Variants in DHRSX observed in about 807,000 individuals in gnomAD.
DHRSX encodes polyprenol dehydrogenase.
DHRSX carries 31 observed loss-of-function variants against 34.0 expected under a neutral mutation model. That is an observed-to-expected ratio of 0.91 (90% confidence interval 0.69 to 1.23). The LOEUF is 1.23. DHRSX is among the 50% of genes most tolerant of loss of function. DHRSX has a pLI of 0.00. For synonymous variants in DHRSX, 201 were observed against 183.8 expected, an observed-to-expected ratio of 1.09 and a Z score of -0.76; for missense variants, 414 against 428.1, an observed-to-expected ratio of 0.97 and a Z score of 0.29.
chrX:2,393,229 C>G (rs190523824), intron 3 of DHRSX, among the ~76,000 whole-genome samples: 71 of 150,664 alleles, frequency 4.7e-4, no homozygotes, highest in Non-Finnish European at 7.5e-4. Context: ...AATATATGAA[C>G]CTAAAATATG....
intron 2 of DHRSX, among the ~76,000 whole-genome samples, chrX:2,413,944 T>C (rs1454317403): frequency 1.3e-5 from 2 of 151,596 alleles, no homozygotes; most frequent in Non-Finnish European, 2.9e-5. Flanking sequence ...AACAGGTATC[T>C]TTATGACCAA....
intron 4 of DHRSX, among the ~76,000 whole-genome samples, chrX:2,288,768 T>C (rs2041834432): frequency 6.6e-6 from 1 of 152,190 alleles, no homozygotes; most frequent in Non-Finnish European, 1.5e-5. Context: ...CATGAGATTT[T>C]CTACAGAAGA....
At chrX:2,290,476 A>G (rs1355957584) in intron 4 of DHRSX, among the ~76,000 whole-genome samples, 2 of 152,198 alleles carry the variant, frequency 1.3e-5, no homozygotes, top group Admixed American at 1.3e-4. Flanking sequence ...AGAATCTTTA[A>G]TGGTCTAGGT....
At chrX:2,388,902 G>C (rs1247512047) in intron 3 of DHRSX, among the ~76,000 whole-genome samples, 2 of 152,118 alleles carry the variant, frequency 1.3e-5, no homozygotes, top group Non-Finnish European at 2.9e-5. Flanking sequence ...GAAGAGATGA[G>C]GACACAGACA....
At chrX:2,308,642 T>A (rs1184665242) in intron 3 of DHRSX, among the ~76,000 whole-genome samples, 1 of 152,208 alleles carries the variant, frequency 6.6e-6, no homozygotes, top group African/African-American at 2.4e-5. Flanking sequence ...GAAGCTATAA[T>A]GTGCCATTTT....
intron 3 of DHRSX, among the ~76,000 whole-genome samples, chrX:2,363,536 A>G (rs12855923): frequency 9.3e-4 from 108 of 116,320 alleles, no homozygotes; most frequent in Middle Eastern, 6.2e-3. Flanking sequence ...CCGTTCTATG[A>G]TATCATGCCG....
At chrX:2,409,742 T>G (rs973825431) in intron 2 of DHRSX, among the ~76,000 whole-genome samples, 3 of 151,992 alleles carry the variant, frequency 2.0e-5, no homozygotes, top group African/African-American at 2.4e-5. Context: ...GTTTTGTTTT[T>G]TTTTTGAGAC....
chrX:2,459,550 GTATATA>G (rs57748851), intron 1 of DHRSX, among the ~76,000 whole-genome samples: 42,496 of 137,574 alleles, frequency 0.31, 6,812 homozygotes, highest in African/African-American at 0.41. Context: ...GTGTCTGTGT[GTATATA>G]TATATATATA....
chrX:2,313,125 C>T (rs2042184094), intron 3 of DHRSX, among the ~76,000 whole-genome samples: 1 of 151,334 alleles, frequency 6.6e-6, no homozygotes, highest in South Asian at 2.1e-4. Context: ...GCCTCAGCCT[C>T]CCAAGTAGCT....
chrX:2,378,932 A>G (rs1051628011), intron 3 of DHRSX, among the ~76,000 whole-genome samples: 2 of 152,136 alleles, frequency 1.3e-5, no homozygotes, highest in Non-Finnish European at 2.9e-5. Context: ...TCAACCTCCC[A>G]AAGTGTTAGG....
chrX:2,256,961 C>A (rs943349550), intron 5 of DHRSX, among the ~76,000 whole-genome samples: 1 of 151,836 alleles, frequency 6.6e-6, no homozygotes, highest in Admixed American at 6.6e-5. Flanking sequence ...TTTTCTTTTT[C>A]TTTTTTAAGA....
intron 1 of DHRSX, chrX:2,488,827 G>A: frequency 6.2e-7 from 1 of 1,613,874 alleles, no homozygotes; most frequent in Non-Finnish European, 8.5e-7. Context: ...GGTTCCTCTT[G>A]GCGCTGACCA....
chrX:2,354,548 G>T (rs1176138064), intron 3 of DHRSX, among the ~76,000 whole-genome samples: 1 of 152,102 alleles, frequency 6.6e-6, no homozygotes, highest in African/African-American at 2.4e-5. Context: ...TGGAACCTCT[G>T]TCTCCCGGGT....
intron 4 of DHRSX, among the ~76,000 whole-genome samples, chrX:2,286,062 GA>G (rs2041801409): frequency 6.8e-6 from 1 of 147,436 alleles, no homozygotes; most frequent in Non-Finnish European, 1.5e-5. Flanking sequence ...TCCAGCACAA[GA>G]GCTGGTGATG....
At chrX:2,287,908 A>G (rs1290564878) in intron 4 of DHRSX, among the ~76,000 whole-genome samples, 1 of 152,160 alleles carries the variant, frequency 6.6e-6, no homozygotes, top group Non-Finnish European at 1.5e-5. Flanking sequence ...CCTATTCCCA[A>G]TTTGGAAGAG....
intron 1 of DHRSX, among the ~76,000 whole-genome samples, chrX:2,431,032 CA>C (rs1046638246): frequency 2.1e-5 from 3 of 141,228 alleles, no homozygotes; most frequent in Admixed American, 1.4e-4. Flanking sequence ...CAAAACAAAA[CA>C]AAAAAAAGAC....
At chrX:2,461,353 A>G in intron 1 of DHRSX, among the ~76,000 whole-genome samples, 1 of 152,202 alleles carries the variant, frequency 6.6e-6, no homozygotes, top group Non-Finnish European at 1.5e-5. Flanking sequence ...ATCTGCACCC[A>G]CGGGTCCACC....
intron 6 of DHRSX, among the ~76,000 whole-genome samples, chrX:2,228,489 GAAGGGAGGAAGGAAGGAAAA>G (rs2015787385): frequency 5.2e-5 from 6 of 116,030 alleles, no homozygotes; most frequent in East Asian, 5.3e-4. Context: ...AGGAAGGAAG[GAAGGGAGGAAGGAAGGAAAA>G]AAGGGAGGCA....
At chrX:2,379,592 G>A (rs2043180281) in intron 3 of DHRSX, among the ~76,000 whole-genome samples, 1 of 135,926 alleles carries the variant, frequency 7.4e-6, no homozygotes, top group African/African-American at 2.6e-5. Context: ...GCTGGCAGTG[G>A]AGGTTTTTTT....
Sources: gnomAD v4.1 joint callset for allele counts (sites outside exome capture counted in the v4.1 genomes callset) on GRCh38, gnomAD v4.1.1 for gene constraint, MANE v1.5 for transcripts, NCBI Gene and HGNC (gene_info 2026-07-23, HGNC 2026-07-21) for gene names.